UNKL: variants seen among roughly 807,000 people sequenced by gnomAD.
The protein encoded by UNKL is unk like zinc finger.
Under a neutral mutation model 78.0 loss-of-function variants are expected in UNKL, and 60 were observed. The observed-to-expected ratio is 0.77, with a 90% CI of 0.63 to 0.95. UNKL has a LOEUF of 0.95. Ranked by LOEUF, UNKL falls within the 40% of genes least tolerant of loss-of-function variation. UNKL has a pLI of 0.00. For synonymous variants in UNKL, 608 were observed against 474.8 expected (o/e 1.28, Z -3.65); for missense variants, 1,159 against 1,045.7 (o/e 1.11, Z -1.49).
intron 2 of UNKL, chr16:1,405,797 G>A (rs61379631): frequency 0.018 from 6,654 of 362,636 alleles, 363 homozygotes; most frequent in African/African-American, 0.13. Context: ...CAGCACATGG[G>A]CACCGCTCTG....
chr16:1,404,460 C>T (rs888156967), intron 2 of UNKL, among the ~76,000 whole-genome samples: 5 of 152,304 alleles, frequency 3.3e-5, no homozygotes, highest in East Asian at 3.9e-4. Flanking sequence ...ACCCAGGCTC[C>T]GCTGGGCACC....
intron 10 of UNKL, chr16:1,383,685 G>C (rs777337142): frequency 7.3e-6 from 3 of 410,156 alleles, no homozygotes; most frequent in Admixed American, 2.5e-5. Flanking sequence ...AACCACCAAC[G>C]ACCAGAAGCT....
intron 6 of UNKL, chr16:1,394,472 G>A (rs1365758941): frequency 1.5e-6 from 1 of 659,942 alleles, no homozygotes; most frequent in African/African-American, 1.8e-5. Flanking sequence ...CACAGGCAAA[G>A]TCATTTCCCC....
At chr16:1,383,899 G>A (rs540748212) in intron 10 of UNKL, 10 of 371,404 alleles carry the variant, frequency 2.7e-5, no homozygotes, top group Middle Eastern at 3.8e-4. Flanking sequence ...CTGCACAGCA[G>A]AGGATGTAGG....
At chr16:1,375,462 C>G (rs1186445799) in intron 10 of UNKL, among the ~76,000 whole-genome samples, 2 of 152,218 alleles carry the variant, frequency 1.3e-5, no homozygotes, top group Non-Finnish European at 2.9e-5. Context: ...GGAGGCCGGG[C>G]TGTGGCGCCA....
Position 1,401,688 on chromosome 16 carries a change from G to T in UNKL, c.478C>A (p.Gln160Lys). The T allele has an allele frequency of 7.5e-6, 12 of 1,610,646 alleles. No homozygotes were observed. Among genetic ancestry groups the T allele is most frequent in the Non-Finnish European group, 1.0e-5 (12 of 1,179,032 alleles). The change falls in exon 4 of 15, where the codon CAG (glutamine) becomes AAG (lysine). Residue 160 changes from glutamine to lysine, a missense_variant. Physicochemically the swap from Gln to Lys is moderately conservative, Grantham distance 53. Coordinates refer to ENST00000389221, the MANE Select transcript of UNKL (RefSeq NM_001372107.1). ...AGCTGGCCGTTCTGCAAGGCTTCCT[G>T]GGCCTGCAGCTCCCTGCAAGCCGAG... ...PVCDVRELQA[Q>K]EALQNGQLGG...
chr16:1,379,287 C>T (rs1423622471), intron 10 of UNKL: 2 of 196,750 alleles, frequency 1.0e-5, no homozygotes, highest in African/African-American at 4.7e-5. Flanking sequence ...CCTCCCCCGC[C>T]CCGTTCCCCT....
chr16:1,367,483 G>GGC, intron 13 of UNKL, 134 bp from the exon 14 acceptor site: 2 of 568,650 alleles, frequency 3.5e-6, no homozygotes, highest in Middle Eastern at 4.7e-4. Context: ...GACCCCTGCG[G>GGC]CCCTCCCTCC....
Position 1,385,266 on chromosome 16 carries a change from C to A in UNKL, c.1206G>T (p.Ala402=). 7.5e-7 allele frequency: 1 copy of A among 1,333,644 alleles called. No homozygotes were observed. The highest frequency in any genetic ancestry group is 9.6e-7 in the Non-Finnish European group (1 of 1,046,256). 82.6% of individuals were successfully genotyped at this position (1,333,644 alleles called of 1,614,324 possible). A position where few individuals can be genotyped will look rare whatever the true frequency, so the allele number is the denominator to read the frequency against. ...CGAGCGGGAGGGCACGGGCGGGGGGCGCGGGCAGCGCAGTGGGGGAGGAGC... is the reference window on the plus strand; with the variant it reads ...CGAGCGGGAGGGCACGGGCGGGGGGAGCGGGCAGCGCAGTGGGGGAGGAGC... ...SGSSSPTALP[A]PPARALPLGP... Residue 402 remains alanine, a synonymous_variant, in exon 10 of 15, where the codon GCG becomes GCT. Coordinates refer to ENST00000389221, the MANE Select transcript of UNKL (RefSeq NM_001372107.1).
Position 1,365,889 on chromosome 16 carries a change from A to C in UNKL, c.*351T>G, listed in dbSNP as rs2035210720. The C allele has an allele frequency of 5.0e-6, 1 of 201,362 alleles. No homozygotes were observed. 12.5% of individuals were successfully genotyped at this position (201,362 alleles called of 1,614,324 possible). A position where few individuals can be genotyped will look rare whatever the true frequency, so the allele number is the denominator to read the frequency against. ...GAAAGACCCCAGCTCCCAGTGGCCT[A>C]GTCACAGTAGTGTCAGGACCACAAA... On this transcript the variant is annotated 3_prime_UTR_variant, in exon 15 of 15. Coordinates refer to ENST00000389221, the MANE Select transcript of UNKL (RefSeq NM_001372107.1).
chr16:1,370,503 C>T, intron 11 of UNKL, 146 bp from the exon 12 acceptor site: 2 of 1,328,214 alleles, frequency 1.5e-6, no homozygotes, highest in Non-Finnish European at 1.0e-6. Flanking sequence ...AGGCCAGCCA[C>T]CACCATCTAT....
In UNKL at chr16:1,365,405, A is replaced by C. The variant is rs1255998442; in HGVS notation, c.*835T>G. ...GTTAAGGGAGAAAACAAAACCCATG[A>C]TGCTCCTTCACTTGCTCTCCGAGGC... is the stretch of plus-strand genomic sequence containing the variant. On this transcript the variant is annotated 3_prime_UTR_variant, in exon 15 of 15. Coordinates refer to ENST00000389221, the MANE Select transcript of UNKL (RefSeq NM_001372107.1). The C allele has an allele frequency of 3.3e-5, 5 of 152,314 alleles. No homozygotes were observed. The highest frequency in any genetic ancestry group is 5.9e-5 in the Non-Finnish European group (4 of 68,046). 9.4% of individuals were successfully genotyped at this position (152,314 alleles called of 1,614,324 possible).
intron 4 of UNKL, 77 bp downstream of exon 4, chr16:1,401,491 G>A: frequency 7.2e-7 from 1 of 1,388,416 alleles, no homozygotes; most frequent in Non-Finnish European, 9.5e-7. Flanking sequence ...AAGGCACAGG[G>A]AACCAAGTGG....
Position 1,414,663 on chromosome 16 carries a change from G to T in UNKL, c.29C>A (p.Ala10Glu). 1 of 1,149,532 alleles carries T rather than the reference G, an allele frequency of 8.7e-7. No homozygotes were observed. The highest frequency in any genetic ancestry group is 1.1e-6 in the Non-Finnish European group (1 of 923,270). The allele number at this position is 1,149,532 out of a possible 1,614,324, so 71.2% of individuals were successfully genotyped here. A position where few individuals can be genotyped will look rare whatever the true frequency, so the allele number is the denominator to read the frequency against. The change falls in exon 1 of 15, where the codon GCG (alanine) becomes GAG (glutamate). Residue 10 changes from alanine to glutamate, a missense_variant. Coordinates refer to ENST00000389221, the MANE Select transcript of UNKL (RefSeq NM_001372107.1). MPSVSKAAA[A>E]ALSGSPPQTE... The stretch of plus-strand genomic sequence containing the variant: ...CTGCGGGGGGGACCCGCTCAGCGCC[G>T]CTGCCGCCGCTTTCGAAACCGACGG...
intron 10 of UNKL, among the ~76,000 whole-genome samples, chr16:1,380,187 C>T (rs1394295318): frequency 6.6e-6 from 1 of 152,216 alleles, no homozygotes; most frequent in Non-Finnish European, 1.5e-5. Context: ...TGAAATGATC[C>T]CACTAAAAAT....
At chr16:1,395,602 T>G in intron 6 of UNKL, 1 of 439,758 alleles carries the variant, frequency 2.3e-6, no homozygotes, top group Non-Finnish European at 4.6e-6. Flanking sequence ...GGCTGCCCCT[T>G]CCGCCCCAGG....
At position 1,403,020 on chromosome 16, in the gene UNKL, A is replaced by T; in HGVS notation, c.464+148T>A. 9.3e-7 allele frequency: 1 copy of T among 1,072,144 alleles called. No homozygotes were observed. The highest frequency in any genetic ancestry group is 1.6e-5 in the African/African-American group (1 of 62,500). The allele number at this position is 1,072,144 out of a possible 1,614,324, so 66.4% of individuals were successfully genotyped here. ...AAAAGCAAAAAAAGGACTAACATCC[A>T]GACTCAGAAAGAAATTCTGGAGGAG... is the stretch of plus-strand genomic sequence containing the variant. On this transcript the variant is annotated intron_variant, in intron 3 of 14. Transcript: ENST00000389221. This position sits in a 1 kb window ranked among gnomAD's most constrained non-coding sequence, Gnocchi z 4.8.
At chr16:1,396,742 C>G (rs1022655198) in intron 6 of UNKL, among the ~76,000 whole-genome samples, 4 of 152,100 alleles carry the variant, frequency 2.6e-5, no homozygotes, top group Admixed American at 2.0e-4. Flanking sequence ...TACAGACGCC[C>G]GCCACCACGC....
At chr16:1,385,177 C>G in intron 10 of UNKL, 31 bp downstream of exon 10, 1 of 1,245,214 alleles carries the variant, frequency 8.0e-7, no homozygotes, top group Non-Finnish European at 1.0e-6. Flanking sequence ...AGAAGGAGGT[C>G]AGGGAGAAAG....
Sources: gnomAD v4.1 joint callset for allele counts (sites outside exome capture counted in the v4.1 genomes callset) on GRCh38, gnomAD v4.1.1 for gene constraint, Gnocchi (gnomAD v3.1) non-coding constraint, MANE v1.5 for transcripts, NCBI Gene and HGNC (gene_info 2026-07-23, HGNC 2026-07-21) for gene names.